Variants in GNAI1 observed in about 807,000 individuals in gnomAD.
GNAI1 encodes the protein G protein subunit alpha i1.
GNAI1 carries 11 observed loss-of-function variants against 38.9 expected under a neutral mutation model. The observed-to-expected ratio is 0.28, with a 90% CI of 0.18 to 0.47. The LOEUF is 0.47. Ranked by LOEUF, GNAI1 falls within the 20% of genes least tolerant of loss-of-function variation. The pLI, the probability that GNAI1 is intolerant of heterozygous loss-of-function variation, is 0.99. For missense variants in GNAI1, 317 were observed against 436.9 expected, an observed-to-expected ratio of 0.73 and a Z score of 2.45; for synonymous variants, 166 against 145.1, an observed-to-expected ratio of 1.14 and a Z score of -1.04.
rs188866806 is a variant in GNAI1, at chr7:80,144,027, C to T, written c.118+8749C>T. 2.4e-4 allele frequency among the ~76,000 whole-genome samples: 36 copies of T among 151,730 alleles called. No individual in the cohort carries two copies. The East Asian group carries it at 6.8e-3, about 29-fold the overall frequency. ...CAGTTTTAAACATTAGTTTCTAATC[C>T]CACCGTAACTTCCTTGAGGGACTTG... On this transcript the variant is annotated intron_variant, in intron 1 of 7. Coordinates refer to ENST00000649796, the MANE Select transcript of GNAI1 (RefSeq NM_002069.6).
chr7:80,226,089 A>C lies in GNAI1; in HGVS notation c.*8596A>C, dbSNP rs770842484. Among the ~76,000 whole-genome samples the C allele has an allele frequency of 5.9e-5, 9 of 152,186 alleles. No individual in the cohort carries two copies. Among genetic ancestry groups the C allele is most frequent in the Non-Finnish European group, 1.3e-4 (9 of 68,038 alleles). On this transcript the variant is annotated 3_prime_UTR_variant, in exon 8 of 8. Coordinates refer to ENST00000649796, the MANE Select transcript of GNAI1 (RefSeq NM_002069.6). ...TAAACCTGATTTAAGTCCCTCTAAC[A>C]ATTATGAAGAAAAAAAAAGACTAGA...
At chr7:80,217,231 A>AAACTGACTTCAGTTTCATATGTATGC in intron 7 of GNAI1, 72 bp from the exon 8 acceptor site, 3 of 1,028,290 alleles carry the variant, frequency 2.9e-6, no homozygotes, top group Admixed American at 2.6e-5. Flanking sequence ...CATATGTATG[A>AAACTGACTTCAGTTTCATATGTATGC]AACTGAATTC....
At chr7:80,184,730 G>T (rs919828068) in intron 1 of GNAI1, among the ~76,000 whole-genome samples, 7 of 152,074 alleles carry the variant, frequency 4.6e-5, no homozygotes, top group African/African-American at 1.7e-4. Context: ...TCACCTGATG[G>T]TCACCTGACA....
In GNAI1 at chr7:80,225,813, T is replaced by G. The variant is rs1401868238; in HGVS notation, c.*8320T>G. Among the ~76,000 whole-genome samples, 2 of 152,234 alleles carry G rather than the reference T, an allele frequency of 1.3e-5. No homozygotes were observed. Among genetic ancestry groups the G allele is most frequent in the African/African-American group, 4.8e-5 (2 of 41,462 alleles). On this transcript the variant is annotated 3_prime_UTR_variant, in exon 8 of 8. Coordinates refer to ENST00000649796, the MANE Select transcript of GNAI1 (RefSeq NM_002069.6). Reference sequence around the variant, plus strand: ...TTCCATAAGATTTGAGTTCATTAGTTTAATGGGATCGATCTGAGAAAAATT... The same window carrying G: ...TTCCATAAGATTTGAGTTCATTAGTGTAATGGGATCGATCTGAGAAAAATT...
At chr7:80,186,090 C>T (rs1462914146) in intron 1 of GNAI1, among the ~76,000 whole-genome samples, 7 of 136,836 alleles carry the variant, frequency 5.1e-5, no homozygotes, top group Non-Finnish European at 9.1e-5. Context: ...TGGAGTGCAG[C>T]GGCACAATCT....
At chr7:80,148,181 T>C (rs1787661543) in intron 1 of GNAI1, among the ~76,000 whole-genome samples, 1 of 152,176 alleles carries the variant, frequency 6.6e-6, no homozygotes. Flanking sequence ...CCAAAAACTA[T>C]TTCAGACTTT....
At chr7:80,153,930 T>A (rs1463598058) in intron 1 of GNAI1, among the ~76,000 whole-genome samples, 3 of 151,968 alleles carry the variant, frequency 2.0e-5, no homozygotes, top group Admixed American at 6.5e-5. Context: ...TAATTAATTA[T>A]TTATTTATTT....
chr7:80,176,004 A>G (rs1005913140), intron 1 of GNAI1, among the ~76,000 whole-genome samples: 2 of 152,250 alleles, frequency 1.3e-5, no homozygotes, highest in Admixed American at 1.3e-4. Flanking sequence ...ATGTCCAAAG[A>G]TAGGCTAAAT....
At chr7:80,188,928 C>A in intron 1 of GNAI1, 23 bp from the exon 2 acceptor site, 1 of 1,524,974 alleles carries the variant, frequency 6.6e-7, no homozygotes, top group African/African-American at 1.4e-5. Context: ...AAATTAGAAA[C>A]CTTTTATGTT....
intron 5 of GNAI1, among the ~76,000 whole-genome samples, chr7:80,210,730 T>C (rs947461101): frequency 1.8e-4 from 9 of 50,284 alleles, no homozygotes; most frequent in Admixed American, 8.9e-4. Context: ...TTGTTTTTGC[T>C]TTTTTTTTTT....
chr7:80,139,236 C>G (rs1049877613), intron 1 of GNAI1, among the ~76,000 whole-genome samples: 2 of 152,076 alleles, frequency 1.3e-5, no homozygotes, highest in Admixed American at 6.5e-5. Flanking sequence ...AGTTCAAGTC[C>G]TTCTCTGCCT....
intron 1 of GNAI1, among the ~76,000 whole-genome samples, chr7:80,159,036 T>G (rs2116122433): frequency 6.6e-6 from 1 of 152,316 alleles, no homozygotes; most frequent in South Asian, 2.1e-4. Context: ...ATGCCCAGGC[T>G]TGAATTTGCT....
Position 80,223,005 on chromosome 7 carries a change from A to G in GNAI1, c.*5512A>G, listed in dbSNP as rs1789105532. On this transcript the variant is annotated 3_prime_UTR_variant, in exon 8 of 8. Coordinates refer to ENST00000649796, the MANE Select transcript of GNAI1 (RefSeq NM_002069.6). ...TAGCATAAAGCCTATTTTACAATAA[A>G]GGATATCTCATGTAATTTTCTTGGA... Among the ~76,000 whole-genome samples, 1 of 152,250 alleles carries G rather than the reference A, an allele frequency of 6.6e-6. No homozygotes were observed.
At chr7:80,150,270 A>G (rs1324300783) in intron 1 of GNAI1, among the ~76,000 whole-genome samples, 1 of 152,200 alleles carries the variant, frequency 6.6e-6, no homozygotes, top group Admixed American at 6.5e-5. Context: ...AAAGAACTAA[A>G]TTATTAATCA....
At chr7:80,181,209 G>C (rs1405060002) in intron 1 of GNAI1, among the ~76,000 whole-genome samples, 1 of 151,906 alleles carries the variant, frequency 6.6e-6, no homozygotes, top group Non-Finnish European at 1.5e-5. Context: ...CACTCTCATG[G>C]GCCACTTGGA....
chr7:80,215,448 G>A (rs1788942427), intron 7 of GNAI1, among the ~76,000 whole-genome samples: 1 of 152,168 alleles, frequency 6.6e-6, no homozygotes, highest in Admixed American at 6.5e-5. Context: ...ATTTTTAAAA[G>A]TATGTGATTT....
chr7:80,161,256 C>T (rs1039211712), intron 1 of GNAI1, among the ~76,000 whole-genome samples: 19 of 152,076 alleles, frequency 1.2e-4, no homozygotes, highest in Non-Finnish European at 4.4e-5. Flanking sequence ...AACCCTTTTA[C>T]GTATTGTTTT....
chr7:80,145,652 G>T (rs1000400836), intron 1 of GNAI1, among the ~76,000 whole-genome samples: 2 of 152,092 alleles, frequency 1.3e-5, no homozygotes, highest in Non-Finnish European at 2.9e-5. Flanking sequence ...CTTTTTCAAA[G>T]CCATTTTCAT....
At position 80,212,688 on chromosome 7, in the gene GNAI1, C is replaced by T. The variant is rs570815516; in HGVS notation, c.721-28C>T. ...CCTCAAAAATCCTTGCTGTTAGTGA[C>T]GATTGGTTTTATTTTTTTCTATTAC... On this transcript the variant is annotated intron_variant, in intron 6 of 7. Transcript: ENST00000649796. 11 of 1,413,016 alleles carry T rather than the reference C, an allele frequency of 7.8e-6. No individual in the cohort carries two copies. In the Admixed American group the frequency reaches 1.4e-4, roughly 18 times the overall value. 87.5% of individuals were successfully genotyped at this position (1,413,016 alleles called of 1,614,324 possible).
Sources: allele counts gnomAD v4.1 joint callset (sites outside exome capture counted in the v4.1 genomes callset), GRCh38; gene constraint gnomAD v4.1.1; transcripts MANE v1.5; gene names NCBI Gene and HGNC (gene_info 2026-07-23, HGNC 2026-07-21).